Variants in SRD5A1 observed in about 807,000 individuals in gnomAD.
SRD5A1 encodes 3-oxo-5-alpha-steroid 4-dehydrogenase 1.
In SRD5A1, 22 loss-of-function variants were observed where a neutral mutation model predicts 28.2. The ratio of observed to expected loss-of-function variants is 0.78; its 90% CI spans 0.56 to 1.12. SRD5A1 has a LOEUF of 1.12. SRD5A1 is among the 50% of genes most tolerant of loss of function. The pLI, the probability that SRD5A1 is intolerant of heterozygous loss-of-function variation, is 0.00. For missense variants in SRD5A1, 300 were observed against 346.7 expected (o/e 0.87, Z 1.07); for synonymous variants, 151 against 135.0 (o/e 1.12, Z -0.82).
At chr5:6,668,097 A>G in intron 4 of SRD5A1, 105 bp from the exon 5 acceptor site, 1 of 696,692 alleles carries the variant, frequency 1.4e-6, no homozygotes, top group South Asian at 2.7e-5. Context: ...ACTACATTTA[A>G]AAAACTGAGT....
intron 3 of SRD5A1, 146 bp from the exon 4 acceptor site, chr5:6,662,670 G>A: frequency 2.4e-6 from 2 of 841,736 alleles, no homozygotes; most frequent in Non-Finnish European, 3.7e-6. Context: ...TGTAACGCTG[G>A]ATATGTCTTA....
At chr5:6,654,699 C>G (rs1367995154) in intron 2 of SRD5A1, among the ~76,000 whole-genome samples, 1 of 151,982 alleles carries the variant, frequency 6.6e-6, no homozygotes, top group Non-Finnish European at 1.5e-5. Context: ...TCCCAAAGTG[C>G]TGGGATTATA....
chr5:6,636,670 A>G (rs1738193106), intron 1 of SRD5A1, among the ~76,000 whole-genome samples: 1 of 152,176 alleles, frequency 6.6e-6, no homozygotes, highest in Non-Finnish European at 1.5e-5. Context: ...AGTACAGGAC[A>G]GTCAGGTCAA....
intron 4 of SRD5A1, among the ~76,000 whole-genome samples, chr5:6,663,847 G>C (rs1739082645): frequency 6.6e-6 from 1 of 151,802 alleles, no homozygotes; most frequent in South Asian, 2.1e-4. Context: ...TTGAGAGAGT[G>C]AGACTCAGTC....
At position 6,672,905 on chromosome 5, in the gene SRD5A1, C is replaced by T. The variant is rs1351945768; in HGVS notation, c.*4637C>T. 1.3e-5 allele frequency: 2 copies of T among 152,190 alleles called. No homozygotes were observed. Among genetic ancestry groups the T allele is most frequent in the African/African-American group, 2.4e-5 (1 of 41,452 alleles). The allele number at this position is 152,190 out of a possible 1,614,324, so 9.4% of individuals were successfully genotyped here. On this transcript the variant is annotated 3_prime_UTR_variant, in exon 5 of 5. Transcript: ENST00000274192. ...TCTAGCTGATCTGGTCTAAAATACACATGTGGGAGGCGGGATTGTAGAAAT... is the reference window on the plus strand; with the variant it reads ...TCTAGCTGATCTGGTCTAAAATACATATGTGGGAGGCGGGATTGTAGAAAT...
rs1028005077 is a variant in SRD5A1, at chr5:6,668,450, T to C, written c.*182T>C. 6.5e-6 allele frequency: 3 copies of C among 460,536 alleles called. No individual in the cohort carries two copies. The highest frequency in any genetic ancestry group is 4.1e-5 in the African/African-American group (2 of 48,946). The allele number at this position is 460,536 out of a possible 1,614,324, so 28.5% of individuals were successfully genotyped here. A position where few individuals can be genotyped will look rare whatever the true frequency, so the allele number is the denominator to read the frequency against. ...TAATAAGTACCTAAATACGCTGAAA[T>C]GGAGGTTGAATATCCTACTGTGTAA... On this transcript the variant is annotated 3_prime_UTR_variant, in exon 5 of 5. Transcript: ENST00000274192.
intron 1 of SRD5A1, among the ~76,000 whole-genome samples, chr5:6,639,355 A>G (rs1178152702): frequency 6.6e-6 from 1 of 152,198 alleles, no homozygotes; most frequent in East Asian, 1.9e-4. Flanking sequence ...CATCGAGCAT[A>G]TGAGTATGAA....
chr5:6,640,430 C>G (rs1738326604), intron 1 of SRD5A1, among the ~76,000 whole-genome samples: 1 of 152,212 alleles, frequency 6.6e-6, no homozygotes, highest in Non-Finnish European at 1.5e-5. Flanking sequence ...CAGTTCAGCT[C>G]CATCATCAAA....
At chr5:6,656,500 C>A (rs1738839830) in intron 3 of SRD5A1, among the ~76,000 whole-genome samples, 1 of 152,182 alleles carries the variant, frequency 6.6e-6, no homozygotes, top group South Asian at 2.1e-4. Context: ...GGAATAGATA[C>A]TTTGACCCTC....
intron 4 of SRD5A1, among the ~76,000 whole-genome samples, chr5:6,664,439 C>T (rs972160084): frequency 6.6e-6 from 1 of 152,118 alleles, no homozygotes; most frequent in Non-Finnish European, 1.5e-5. Flanking sequence ...GCATCTCACT[C>T]TGTCACCCAG....
chr5:6,636,955 G>A (rs534356796), intron 1 of SRD5A1, among the ~76,000 whole-genome samples: 3 of 152,246 alleles, frequency 2.0e-5, no homozygotes, highest in Admixed American at 2.0e-4. Flanking sequence ...GACGCAGGAC[G>A]AGCTGTGGTC....
intron 3 of SRD5A1, 45 bp from the exon 4 acceptor site, chr5:6,662,771 T>A (rs763937879): frequency 2.5e-6 from 4 of 1,590,842 alleles, no homozygotes; most frequent in Middle Eastern, 2.3e-4. Flanking sequence ...AGTCCGTATT[T>A]CATTTTGTAG....
chr5:6,652,194 G>A (rs572785866), intron 2 of SRD5A1, among the ~76,000 whole-genome samples, 186 bp downstream of exon 2: 14 of 152,344 alleles, frequency 9.2e-5, no homozygotes, highest in East Asian at 1.9e-4. Flanking sequence ...GAGAGGTGAC[G>A]CAGGTGCTGG....
intron 1 of SRD5A1, among the ~76,000 whole-genome samples, chr5:6,644,442 C>T (rs2126530967): frequency 6.6e-6 from 1 of 152,276 alleles, no homozygotes; most frequent in East Asian, 1.9e-4. Flanking sequence ...TGCAGTTTGC[C>T]TAGTGGGAAA....
At chr5:6,658,513 T>A (rs1423664133) in intron 3 of SRD5A1, among the ~76,000 whole-genome samples, 1 of 152,168 alleles carries the variant, frequency 6.6e-6, no homozygotes, top group Non-Finnish European at 1.5e-5. Flanking sequence ...CCCAGCTTCC[T>A]GACGGCCTGT....
intron 1 of SRD5A1, among the ~76,000 whole-genome samples, chr5:6,646,411 A>G (rs943761501): frequency 1.3e-5 from 2 of 152,006 alleles, no homozygotes; most frequent in Non-Finnish European, 2.9e-5. Context: ...ATCCTTGAGG[A>G]ATTTGGTTGG....
At chr5:6,635,780 G>A (rs1738167171) in intron 1 of SRD5A1, among the ~76,000 whole-genome samples, 1 of 152,192 alleles carries the variant, frequency 6.6e-6, no homozygotes. Context: ...ACAAAGTTTT[G>A]CCTGACATCC....
rs1739432395 is a variant in SRD5A1 at position 6,673,875 on chromosome 5, T to C, written c.*5607T>C. 1 of 152,150 alleles carries C rather than the reference T, an allele frequency of 6.6e-6. No homozygotes were observed. Among genetic ancestry groups the C allele is most frequent in the South Asian group, 2.1e-4 (1 of 4,828 alleles). The allele number at this position is 152,150 out of a possible 1,614,324, so 9.4% of individuals were successfully genotyped here. On this transcript the variant is annotated 3_prime_UTR_variant, in exon 5 of 5. Coordinates refer to ENST00000274192, the MANE Select transcript of SRD5A1 (RefSeq NM_001047.4). Reference sequence around the variant, plus strand: ...AAGCCAGTTTGCAAAGGCTAGATACTATATGATCCCAACTGTATAACATTC... The same window carrying C: ...AAGCCAGTTTGCAAAGGCTAGATACCATATGATCCCAACTGTATAACATTC...
rs939769011 is a variant in SRD5A1 at position 6,672,040 on chromosome 5, G to A, written c.*3772G>A. The A allele has an allele frequency of 1.1e-4, 17 of 152,190 alleles. No individual in the cohort carries two copies. The highest frequency in any genetic ancestry group is 1.5e-5 in the Non-Finnish European group (1 of 68,060). 9.4% of individuals were successfully genotyped at this position (152,190 alleles called of 1,614,324 possible). On this transcript the variant is annotated 3_prime_UTR_variant, in exon 5 of 5. Transcript: ENST00000274192. ...ATAATTGATGTTGTGAGTTGGGCGG[G>A]ACTTTAGGGACTATGCTGAACAATC... is the stretch of plus-strand genomic sequence containing the variant.
Sources: allele counts gnomAD v4.1 joint callset (sites outside exome capture counted in the v4.1 genomes callset), GRCh38; gene constraint gnomAD v4.1.1; transcripts MANE v1.5; gene names NCBI Gene and HGNC (gene_info 2026-07-23, HGNC 2026-07-21).